WLS: variants seen among roughly 807,000 people sequenced by gnomAD.
WLS encodes the protein protein wntless homolog.
WLS carries 23 observed loss-of-function variants against 62.8 expected under a neutral mutation model. The ratio of observed to expected loss-of-function variants is 0.37; its 90% CI spans 0.26 to 0.52. The LOEUF is 0.52. Ranked by LOEUF, WLS falls within the 20% of genes least tolerant of loss-of-function variation. The pLI, the probability that WLS is intolerant of heterozygous loss-of-function variation, is 0.92. For missense variants in WLS, 615 were observed against 697.3 expected, an observed-to-expected ratio of 0.88 and a Z score of 1.33; for synonymous variants, 246 against 244.1, an observed-to-expected ratio of 1.01 and a Z score of -0.07.
At chr1:68,181,185 A>G (rs1051614126) in intron 2 of WLS, among the ~76,000 whole-genome samples, 2 of 152,184 alleles carry the variant, frequency 1.3e-5, no homozygotes, top group Admixed American at 6.5e-5. Context: ...CATAATAGCT[A>G]TGTTATGACC....
chr1:68,114,619 T>C (rs1646267609), intron 11 of WLS, among the ~76,000 whole-genome samples: 3 of 152,206 alleles, frequency 2.0e-5, no homozygotes. Flanking sequence ...TTCTGAGACC[T>C]AGGTGACAGG....
At chr1:68,194,709 C>T (rs893501187) in intron 1 of WLS, among the ~76,000 whole-genome samples, 11 of 152,136 alleles carry the variant, frequency 7.2e-5, no homozygotes, top group African/African-American at 1.7e-4. Flanking sequence ...ATCTGAGAAA[C>T]GGAAGAGTTT....
chr1:68,202,291 C>T (rs1389807165), intron 1 of WLS: 1 of 152,130 alleles, frequency 6.6e-6, no homozygotes, highest in Non-Finnish European at 1.5e-5. Flanking sequence ...TAGTAAAATG[C>T]ACATAAAGGG....
At chr1:68,213,171 C>G (rs937649891) in intron 1 of WLS, among the ~76,000 whole-genome samples, 19 of 152,034 alleles carry the variant, frequency 1.2e-4, no homozygotes. Flanking sequence ...GGAAGTAAAG[C>G]CGGGCGTGGT....
chr1:68,174,355 T>C (rs577753858), intron 2 of WLS, among the ~76,000 whole-genome samples: 94 of 152,286 alleles, frequency 6.2e-4, no homozygotes, highest in African/African-American at 2.1e-3. Context: ...ATTATTGCAC[T>C]CAGCTTTGGG....
intron 1 of WLS, among the ~76,000 whole-genome samples, chr1:68,215,203 A>G (rs1419984732): frequency 6.6e-6 from 1 of 152,170 alleles, no homozygotes; most frequent in Non-Finnish European, 1.5e-5. Context: ...GCCAAAAAAC[A>G]CCAATCATCC....
chr1:68,230,382 A>C (rs1176466485), intron 1 of WLS, among the ~76,000 whole-genome samples: 5 of 152,152 alleles, frequency 3.3e-5, no homozygotes, highest in African/African-American at 1.2e-4. Context: ...ATCCAATGGC[A>C]TCTAACTGCA....
At chr1:68,194,456 T>C (rs779392579) in intron 1 of WLS, among the ~76,000 whole-genome samples, 7 of 152,194 alleles carry the variant, frequency 4.6e-5, no homozygotes, top group Non-Finnish European at 1.0e-4. Context: ...TCAATTGCTG[T>C]GAAAGAATAC....
chr1:68,194,173 C>T lies in WLS; in HGVS notation c.161G>A (p.Arg54His), dbSNP rs553607184. Residue 54 changes from arginine to histidine, a missense_variant, in exon 2 of 12, where the codon CGT becomes CAT. Transcript: ENST00000262348. ...SYMSVKCVDA[R>H]KNHHKTKWFV... Reference sequence around the variant, plus strand: ...CCATTTTGTCTTGTGATGGTTCTTACGGGCATCCACACATTTCACCGACAT... The same window carrying T: ...CCATTTTGTCTTGTGATGGTTCTTATGGGCATCCACACATTTCACCGACAT... 2.2e-5 allele frequency: 36 copies of T among 1,614,058 alleles called. No homozygotes were observed. In the East Asian group the frequency reaches 4.5e-4, roughly 20 times the overall value.
intron 11 of WLS, among the ~76,000 whole-genome samples, chr1:68,108,212 G>C (rs1646174062): frequency 6.6e-6 from 1 of 152,240 alleles, no homozygotes; most frequent in Non-Finnish European, 1.5e-5. Context: ...AGGGAAGACT[G>C]GAACTCTGGA....
At chr1:68,099,065 T>C (rs1202524275) in intron 11 of WLS, among the ~76,000 whole-genome samples, 9 of 152,164 alleles carry the variant, frequency 5.9e-5, no homozygotes, top group Admixed American at 5.9e-4. Context: ...ATCTAGTTCA[T>C]CTTAAGATAG....
chr1:68,122,239 C>A (rs114744500), downstream of WLS, among the ~76,000 whole-genome samples: 345 of 152,310 alleles, frequency 2.3e-3, 1 homozygote, highest in African/African-American at 8.0e-3. Context: ...GTCCTCCAAC[C>A]TCCCCTGACA....
At chr1:68,134,527 A>G (rs536788639) in intron 11 of WLS, among the ~76,000 whole-genome samples, 1 of 152,352 alleles carries the variant, frequency 6.6e-6, no homozygotes, top group Admixed American at 6.5e-5. Context: ...GTTTTTTCAC[A>G]GAGGGTCTAC....
At chr1:68,162,546 C>A in intron 2 of WLS, 1 of 1,597,516 alleles carries the variant, frequency 6.3e-7, no homozygotes, top group Admixed American at 1.7e-5. Flanking sequence ...TGAGGCCCAG[C>A]ATTTCCCCAC....
At chr1:68,163,010 G>A (rs3198916) in intron 2 of WLS, 3 of 1,593,650 alleles carry the variant, frequency 1.9e-6, no homozygotes, top group Admixed American at 1.7e-5. Context: ...GCAGGGGGCC[G>A]TTCATGATCT....
chr1:68,192,920 C>A (rs2033347), intron 2 of WLS, among the ~76,000 whole-genome samples: 83,077 of 143,762 alleles, frequency 0.58, 24,149 homozygotes, highest in Non-Finnish European at 0.61. Context: ...CATGGTAAAA[C>A]CCCATCTCCA....
rs759321846 is a variant in WLS, at chr1:68,159,190, G to C, written c.437C>G (p.Ala146Gly). 6.2e-7 allele frequency: 1 copy of C among 1,614,076 alleles called. No homozygotes were observed. ...TTCATGGGCCATTTCAGTCCACTCA[G>C]CAAACGCGTCATCACGGTAAGCCAG... ...VSLAYRDDAF[A>G]EWTEMAHERV... The change falls in exon 3 of 12, where the codon GCT becomes GGT. Residue 146 changes from alanine to glycine, a missense_variant. Transcript: ENST00000262348.
At chr1:68,127,980 T>C (rs1335612117) in intron 11 of WLS, among the ~76,000 whole-genome samples, 1 of 152,072 alleles carries the variant, frequency 6.6e-6, no homozygotes, top group Non-Finnish European at 1.5e-5. Flanking sequence ...GCAAAATCAG[T>C]CCTATTATTA....
intron 2 of WLS, among the ~76,000 whole-genome samples, chr1:68,189,721 T>C (rs1648180336): frequency 6.6e-6 from 1 of 152,214 alleles, no homozygotes; most frequent in Admixed American, 6.5e-5. Context: ...CTTTTAATTT[T>C]TAACTGTTTT....
Sources: allele counts gnomAD v4.1 joint callset (sites outside exome capture counted in the v4.1 genomes callset), GRCh38; gene constraint gnomAD v4.1.1; transcripts MANE v1.5; gene names NCBI Gene and HGNC (gene_info 2026-07-23, HGNC 2026-07-21).